The following TENM2 variants were observed in gnomAD, a reference collection of about 807,000 sequenced individuals.
TENM2 encodes teneurin transmembrane protein 2, also known as teneurin-2.
TENM2 carries 52 observed loss-of-function variants against 245.2 expected under a neutral mutation model. The observed-to-expected ratio is 0.21, with a 90% CI of 0.17 to 0.27. TENM2 has a LOEUF of 0.27. Among genes scored for constraint, TENM2 ranks in the 10% least tolerant of loss-of-function variants. The pLI is 1.00. For missense variants in TENM2, 3,046 were observed against 3,666.8 expected (o/e 0.83, Z 4.37); for synonymous variants, 1,363 against 1,438.9 (o/e 0.95, Z 1.19).
chr5:167,445,243 GT>G (rs1765090205), intron 2 of TENM2, among the ~76,000 whole-genome samples: 1 of 150,740 alleles, frequency 6.6e-6, no homozygotes, highest in Non-Finnish European at 1.5e-5. Context: ...AGAGATAAGT[GT>G]AAGCCAATCA....
chr5:167,958,938 G>T (rs563529449), intron 4 of TENM2, among the ~76,000 whole-genome samples: 3 of 152,246 alleles, frequency 2.0e-5, no homozygotes, highest in East Asian at 3.9e-4. Flanking sequence ...CAACCTTGGT[G>T]AATCTGACGA....
At chr5:168,215,092 C>T in exon 21 of TENM2, 1 of 1,613,878 alleles carries the variant, frequency 6.2e-7, no homozygotes, top group Non-Finnish European at 8.5e-7. Flanking sequence ...GTCCGGCTCG[C>T]TCTACGTGTC....
chr5:167,547,444 A>G (rs1395953793), intron 2 of TENM2, among the ~76,000 whole-genome samples: 2 of 152,236 alleles, frequency 1.3e-5, no homozygotes, highest in Admixed American at 6.5e-5. Flanking sequence ...AAGGGCAAAG[A>G]GTGGTTTTGG....
intron 2 of TENM2, among the ~76,000 whole-genome samples, chr5:167,719,795 A>G (rs778481851): frequency 2.6e-5 from 4 of 152,140 alleles, no homozygotes; most frequent in Non-Finnish European, 5.9e-5. Context: ...TGCTACTAGC[A>G]TCTAGTGGAT....
intron 12 of TENM2, chr5:168,139,535 C>T (rs1435491075): frequency 6.6e-6 from 3 of 456,258 alleles, no homozygotes; most frequent in Non-Finnish European, 4.4e-6. Context: ...TCCCATTTCC[C>T]CTTGGTAGGA....
At chr5:168,108,785 T>C (rs1405106565) in intron 9 of TENM2, among the ~76,000 whole-genome samples, 1 of 152,146 alleles carries the variant, frequency 6.6e-6, no homozygotes, top group Non-Finnish European at 1.5e-5. Flanking sequence ...GCTGGGGCTC[T>C]CTGAGCCCCC....
chr5:168,244,770 C>A lies in TENM2; in HGVS notation c.5817+54C>A. The A allele has an allele frequency of 1.5e-6, 2 of 1,350,648 alleles. No homozygotes were observed. Among genetic ancestry groups the A allele is most frequent in the Non-Finnish European group, 1.9e-6 (2 of 1,037,940 alleles). 83.7% of individuals were successfully genotyped at this position (1,350,648 alleles called of 1,614,324 possible). A position where few individuals can be genotyped will look rare whatever the true frequency, so the allele number is the denominator to read the frequency against. ...GGGCTTTCTGTTATTTCTGTTATTCCGGCTTCTTTTTTTTTTTGAGACAGA... is the reference window on the plus strand; with the variant it reads ...GGGCTTTCTGTTATTTCTGTTATTCAGGCTTCTTTTTTTTTTTGAGACAGA... On this transcript the variant is annotated intron_variant, in intron 26 of 28. Transcript: ENST00000518659. This position sits in a 1 kb window ranked among gnomAD's most constrained non-coding sequence, Gnocchi z 4.9.
At chr5:167,588,690 T>C (rs376072400) in intron 2 of TENM2, among the ~76,000 whole-genome samples, 2 of 152,148 alleles carry the variant, frequency 1.3e-5, no homozygotes, top group South Asian at 4.1e-4. Context: ...ACAGCACATA[T>C]ACAAAAGACC....
At chr5:168,114,111 A>G (rs1437500465) in intron 9 of TENM2, among the ~76,000 whole-genome samples, 1 of 152,184 alleles carries the variant, frequency 6.6e-6, no homozygotes, top group Non-Finnish European at 1.5e-5. Flanking sequence ...ATTCAGTTTG[A>G]AATTTTGTAA....
the TENM2 span, among the ~76,000 whole-genome samples, chr5:167,060,993 G>A: frequency 2.0e-5 from 3 of 151,952 alleles, no homozygotes; most frequent in African/African-American, 7.2e-5. Flanking sequence ...GGAGTGTCTA[G>A]TGTTCTAAAA....
chr5:167,127,627 T>TA, the TENM2 span, among the ~76,000 whole-genome samples: 13 of 147,430 alleles, frequency 8.8e-5, no homozygotes, highest in Non-Finnish European at 1.2e-4. Flanking sequence ...TTTTTTTTTT[T>TA]TAAAAAAAAA....
intron 1 of TENM2, among the ~76,000 whole-genome samples, chr5:167,358,252 T>G (rs1759471910): frequency 6.6e-6 from 1 of 152,214 alleles, no homozygotes; most frequent in Non-Finnish European, 1.5e-5. Context: ...CAATCAGACT[T>G]TCACATATAC....
At chr5:167,515,650 C>CACATATATACGTATATGTGTATATATAT (rs1562018969) in intron 2 of TENM2, among the ~76,000 whole-genome samples, 3 of 128,054 alleles carry the variant, frequency 2.3e-5, no homozygotes, top group Non-Finnish European at 3.3e-5. Flanking sequence ...TATATATATA[C>CACATATATACGTATATGTGTATATATAT]ACATATATAC....
At chr5:167,687,566 A>C (rs1490673171) in intron 2 of TENM2, among the ~76,000 whole-genome samples, 3 of 152,196 alleles carry the variant, frequency 2.0e-5, no homozygotes, top group Non-Finnish European at 4.4e-5. Flanking sequence ...AAGTTTGCTC[A>C]CTTACTGTGC....
At chr5:168,260,876 T>C (rs2152722430) in intron 28 of TENM2, among the ~76,000 whole-genome samples, 1 of 152,256 alleles carries the variant, frequency 6.6e-6, no homozygotes, top group East Asian at 1.9e-4. Flanking sequence ...AGAACATAAT[T>C]TGTGCTTGGG....
the TENM2 span, among the ~76,000 whole-genome samples, chr5:167,099,432 A>G: frequency 3.9e-5 from 6 of 152,208 alleles, no homozygotes; most frequent in African/African-American, 1.4e-4. Context: ...GCAGTGGCTC[A>G]CACCTGTAAT....
chr5:167,149,507 T>C, the TENM2 span, among the ~76,000 whole-genome samples: 1 of 152,162 alleles, frequency 6.6e-6, no homozygotes, highest in Non-Finnish European at 1.5e-5. Context: ...TGGCCCATTC[T>C]TCTTTCTGTG....
chr5:167,989,609 G>A (rs1783518671), intron 4 of TENM2, among the ~76,000 whole-genome samples: 1 of 152,146 alleles, frequency 6.6e-6, no homozygotes, highest in African/African-American at 2.4e-5. Context: ...TTCAGGCATG[G>A]AAGGATAACC....
At chr5:167,862,279 A>C (rs1419840941) in intron 2 of TENM2, among the ~76,000 whole-genome samples, 1 of 151,836 alleles carries the variant, frequency 6.6e-6, no homozygotes, top group Non-Finnish European at 1.5e-5. Flanking sequence ...GCATATGTAC[A>C]TGCATTTGTG....
Sources: allele counts gnomAD v4.1 joint callset (sites outside exome capture counted in the v4.1 genomes callset), GRCh38; gene constraint gnomAD v4.1.1; non-coding constraint Gnocchi (gnomAD v3.1); transcripts MANE v1.5; gene names NCBI Gene and HGNC (gene_info 2026-07-23, HGNC 2026-07-21).